MYH10: variants seen among roughly 807,000 people sequenced by gnomAD.
The protein encoded by MYH10 is myosin heavy chain 10.
In MYH10, 55 loss-of-function variants were observed where a neutral mutation model predicts 257.8. That is an observed-to-expected ratio of 0.21 (90% CI 0.17 to 0.27). The LOEUF (loss-of-function observed/expected upper bound fraction) is 0.27. Among genes scored for constraint, MYH10 ranks in the 10% least tolerant of loss-of-function variants. MYH10 has a pLI of 1.00. For synonymous variants in MYH10, 854 were observed against 921.7 expected, an observed-to-expected ratio of 0.93 and a Z score of 1.33; for missense variants, 1,631 against 2,500.6, an observed-to-expected ratio of 0.65 and a Z score of 7.42.
rs1013865276 is a variant in MYH10, at chr17:8,569,187, A to G, written c.756+533T>C. On this transcript the variant is annotated intron_variant, in intron 7 of 42. Transcript: ENST00000360416. This position sits in a 1 kb window ranked among gnomAD's most constrained non-coding sequence, Gnocchi z 4.1. ...CAGTGAGCTATGACTGTGCCACTGCACTCCAGGCTGGGTGACAGAGCAAGA... is the reference window on the plus strand; with the variant it reads ...CAGTGAGCTATGACTGTGCCACTGCGCTCCAGGCTGGGTGACAGAGCAAGA... 6.0e-5 allele frequency among the ~76,000 whole-genome samples: 9 copies of G among 150,748 alleles called. No homozygotes were observed. Among genetic ancestry groups the G allele is most frequent in the Middle Eastern group, 3.4e-3 (1 of 292 alleles).
intron 25 of MYH10, among the ~76,000 whole-genome samples, chr17:8,508,916 A>C (rs767147006): frequency 2.0e-5 from 3 of 152,220 alleles, no homozygotes; most frequent in African/African-American, 7.2e-5. Context: ...GAGAGCTGTC[A>C]TAACACCACA....
intron 19 of MYH10, among the ~76,000 whole-genome samples, chr17:8,520,613 G>A (rs1402345077): frequency 1.3e-5 from 2 of 151,992 alleles, no homozygotes; most frequent in East Asian, 3.9e-4. Flanking sequence ...CTAACTTCAG[G>A]GCCCTGAAAA....
intron 6 of MYH10, among the ~76,000 whole-genome samples, chr17:8,575,675 C>T (rs2152016581): frequency 6.6e-6 from 1 of 152,202 alleles, no homozygotes; most frequent in African/African-American, 2.4e-5. Context: ...AGATCATTTC[C>T]ATAACTCGAT....
At chr17:8,557,473 G>A (rs1302715001) in intron 7 of MYH10, among the ~76,000 whole-genome samples, 1 of 152,142 alleles carries the variant, frequency 6.6e-6, no homozygotes, top group Non-Finnish European at 1.5e-5. Context: ...AGCTCCTTTA[G>A]CACTCCTGGT....
At chr17:8,524,068 A>G (rs1271380771) in intron 17 of MYH10, among the ~76,000 whole-genome samples, 2 of 152,064 alleles carry the variant, frequency 1.3e-5, no homozygotes, top group Non-Finnish European at 2.9e-5. Flanking sequence ...GGAGTTGTCA[A>G]CTTTTATCTA....
In MYH10 at chr17:8,571,336, G is replaced by A. The variant is rs377211569; in HGVS notation, c.664-1524C>T. Among the ~76,000 whole-genome samples, 95 of 151,292 alleles carry A rather than the reference G, an allele frequency of 6.3e-4. No individual in the cohort carries two copies. In the East Asian group the frequency reaches 0.013, roughly 21 times the overall value. ...ACTACAGGCACCCGCCACCATGCCC[G>A]GCTAATTTTTTGTATTTTTAGTAGA... On this transcript the variant is annotated intron_variant, in intron 6 of 42. Coordinates refer to ENST00000360416, the MANE Select transcript of MYH10 (RefSeq NM_001256012.3).
At chr17:8,502,330 C>A (rs1457910420) in intron 28 of MYH10, among the ~76,000 whole-genome samples, 1 of 152,210 alleles carries the variant, frequency 6.6e-6, no homozygotes, top group Non-Finnish European at 1.5e-5. Flanking sequence ...TGTGGTCCAG[C>A]CTAGCTCAGC....
At chr17:8,573,426 A>C (rs961765022) in intron 6 of MYH10, among the ~76,000 whole-genome samples, 2 of 152,210 alleles carry the variant, frequency 1.3e-5, no homozygotes, top group African/African-American at 4.8e-5. Flanking sequence ...AGTTTAAACC[A>C]GGTTGGAGAA....
intron 28 of MYH10, among the ~76,000 whole-genome samples, chr17:8,503,300 A>AAAAATAAAATAAAAT (rs56071409): frequency 6.7e-6 from 1 of 150,364 alleles, no homozygotes; most frequent in African/African-American, 2.5e-5. Context: ...ATATAAAATA[A>AAAAATAAAATAAAAT]AAAATAAAAT....
chr17:8,521,279 C>T lies in MYH10; in HGVS notation c.1964G>A (p.Arg655His), dbSNP rs1470703280. Residue 655 changes from arginine to histidine, a missense_variant, in exon 18 of 43, where the codon CGT (arginine) becomes CAT (histidine). Arg to His is a conservative substitution (Grantham distance 29, BLOSUM62 0). Transcript: ENST00000360416. ...AGTGACTTGATCCAGACCCACGATA[C>T]GGTCCACTGGGGAGAAGAAAGGAGA... ...VSGLHEPPVD[R>H]IVGLDQVTGM... 13 of 1,613,952 alleles carry T rather than the reference C, an allele frequency of 8.1e-6. No homozygotes were observed. The highest frequency in any genetic ancestry group is 2.2e-5 in the South Asian group (2 of 91,076).
chr17:8,571,920 T>C (rs1297213074), intron 6 of MYH10, among the ~76,000 whole-genome samples: 1 of 67,294 alleles, frequency 1.5e-5, no homozygotes, highest in Non-Finnish European at 3.0e-5. Flanking sequence ...TTTGGGTCTC[T>C]AAAAGCCTTT....
In MYH10 at chr17:8,604,894, T is replaced by C. The variant is rs758529502; in HGVS notation, c.434A>G (p.Lys145Arg). The C allele has an allele frequency of 6.8e-6, 11 of 1,606,042 alleles. No individual in the cohort carries two copies. Among genetic ancestry groups the C allele is most frequent in the Non-Finnish European group, 8.5e-6 (10 of 1,174,274 alleles). The change falls in exon 3 of 43, where the codon AAG becomes AGG. Residue 145 changes from lysine to arginine, a missense_variant. Transcript: ENST00000360416. Reference protein sequence around the residue: ...SENIIEMYRGKKRHEMPPHIY... With the variant: ...SENIIEMYRGRKRHEMPPHIY... Reference sequence around the variant, plus strand: ...GTGTGGAGGCATCTCATGACGCTTCTTCCCTCTGTACATTTCAATAATATT... The same window carrying C: ...GTGTGGAGGCATCTCATGACGCTTCCTCCCTCTGTACATTTCAATAATATT...
In MYH10 at chr17:8,552,713, A is replaced by G. The variant is rs1212786003; in HGVS notation, c.821-569T>C. Among the ~76,000 whole-genome samples, 1 of 152,148 alleles carries G rather than the reference A, an allele frequency of 6.6e-6. No individual in the cohort carries two copies. The highest frequency in any genetic ancestry group is 1.9e-4 in the East Asian group (1 of 5,198). ...TATATGAGAGGCACTCGCCCTTCAC[A>G]CTCAGCAGCACATGTAACTTTCCCA... On this transcript the variant is annotated intron_variant, in intron 8 of 42. Transcript: ENST00000360416. The surrounding 1 kb of genome is among the most constrained non-coding windows in gnomAD (Gnocchi z 4.8).
Position 8,521,240 on chromosome 17 carries a change from G to A in MYH10, c.2003C>T (p.Thr668Ile). The stretch of plus-strand genomic sequence containing the variant: ...GGTTTTATATGCGGAGCCAAAAGCT[G>A]TCTCAGTCATACCAGTGACTTGATC... ...GLDQVTGMTETAFGSAYKTKK... is the reference protein window; with the variant it reads ...GLDQVTGMTEIAFGSAYKTKK... The change falls in exon 18 of 43, where the codon ACA becomes ATA. Residue 668 changes from threonine (T) to isoleucine (I), a missense_variant. Coordinates refer to ENST00000360416, the MANE Select transcript of MYH10 (RefSeq NM_001256012.3). 2 of 1,614,188 alleles carry A rather than the reference G, an allele frequency of 1.2e-6. No homozygotes were observed. Among genetic ancestry groups the A allele is most frequent in the Non-Finnish European group, 1.7e-6 (2 of 1,180,044 alleles).
rs143305475 is a variant in MYH10 at position 8,488,213 on chromosome 17, C to G, written c.4885-619G>C. Among the ~76,000 whole-genome samples the G allele has an allele frequency of 5.4e-4, 83 of 152,324 alleles. 1 individual carries two copies. The highest frequency in any genetic ancestry group is 1.8e-3 in the African/African-American group (74 of 41,574). ...GACACACCTGTCAGCCACTCACTCA[C>G]TCTGTGGCACTCTTCACTCAGCCTC... is the stretch of plus-strand genomic sequence containing the variant. On this transcript the variant is annotated intron_variant, in intron 35 of 42. Coordinates refer to ENST00000360416, the MANE Select transcript of MYH10 (RefSeq NM_001256012.3).
chr17:8,588,536 T>C (rs1273171637), intron 4 of MYH10, among the ~76,000 whole-genome samples: 1 of 152,230 alleles, frequency 6.6e-6, no homozygotes, highest in Non-Finnish European at 1.5e-5. Flanking sequence ...ACGCAACCAC[T>C]GCTCTCTAGG....
chr17:8,489,488 G>C (rs762547604), intron 35 of MYH10, among the ~76,000 whole-genome samples: 4 of 152,190 alleles, frequency 2.6e-5, no homozygotes, highest in Admixed American at 2.0e-4. Context: ...CAGATCACCT[G>C]AGTCCAGGAG....
intron 26 of MYH10, among the ~76,000 whole-genome samples, chr17:8,507,669 A>G (rs1414318700): frequency 1.3e-5 from 2 of 152,226 alleles, no homozygotes; most frequent in African/African-American, 2.4e-5. Context: ...CCACAGTACC[A>G]AAGTTAAAAA....
intron 7 of MYH10, chr17:8,561,429 G>C: frequency 9.2e-7 from 1 of 1,090,274 alleles, no homozygotes; most frequent in Non-Finnish European, 1.4e-6. Context: ...TTCCCAAGCT[G>C]TGTGTGAAGC....
Sources: allele counts gnomAD v4.1 joint callset (sites outside exome capture counted in the v4.1 genomes callset), GRCh38; gene constraint gnomAD v4.1.1; non-coding constraint Gnocchi (gnomAD v3.1); transcripts MANE v1.5; gene names NCBI Gene and HGNC (gene_info 2026-07-23, HGNC 2026-07-21).